Variants in CARNMT1 observed in about 807,000 individuals in gnomAD.
CARNMT1 encodes carnosine N-methyltransferase 1, also known as protein-L-histidine N-pros-methyltransferase CARNMT1.
CARNMT1 carries 28 observed loss-of-function variants against 49.6 expected under a neutral mutation model. The observed-to-expected ratio is 0.56, with a 90% CI of 0.42 to 0.77. The LOEUF (loss-of-function observed/expected upper bound fraction) is 0.77. Among genes scored for constraint, CARNMT1 ranks in the 30% least tolerant of loss-of-function variants. The pLI is 0.00. For synonymous variants in CARNMT1, 178 were observed against 175.0 expected (o/e 1.02, Z -0.13); for missense variants, 421 against 512.6 (o/e 0.82, Z 1.73).
At chr9:75,012,287 T>TC (rs1564102582) in intron 3 of CARNMT1, among the ~76,000 whole-genome samples, 3 of 148,190 alleles carry the variant, frequency 2.0e-5, no homozygotes, top group African/African-American at 7.3e-5. Context: ...GTTTTTGGTT[T>TC]TTTTTTTTTT....
intron 5 of CARNMT1, among the ~76,000 whole-genome samples, chr9:74,996,933 C>A (rs1489813470): frequency 6.6e-6 from 1 of 152,052 alleles, no homozygotes; most frequent in Non-Finnish European, 1.5e-5. Context: ...TAGTGTTAAC[C>A]ACCAATTCTG....
rs1833882097 is a variant in CARNMT1 at position 75,017,288 on chromosome 9, T to C, written c.391A>G (p.Ile131Val). The C allele has an allele frequency of 6.2e-7, 1 of 1,613,592 alleles. No individual in the cohort carries two copies. The highest frequency in any genetic ancestry group is 8.5e-7 in the Non-Finnish European group (1 of 1,179,654). The change falls in exon 2 of 8, where the codon ATA (isoleucine) becomes GTA (valine). Residue 131 changes from isoleucine (I) to valine (V), a missense_variant. Around this residue, in one of 2 missense-constraint regions of CARNMT1, gnomAD observed 235 missense variants for 344.8 expected, o/e 0.68. Coordinates refer to ENST00000376834, the MANE Select transcript of CARNMT1 (RefSeq NM_152420.3). Reference sequence around the variant, plus strand: ...TATTCTTTATTTTCAAACATATGTATGCAATCATTCACAATGGTCAGTAGT... The same window carrying C: ...TATTCTTTATTTTCAAACATATGTACGCAATCATTCACAATGGTCAGTAGT... ...EILLTIVNDCIHMFENKEYGE... is the reference protein window; with the variant it reads ...EILLTIVNDCVHMFENKEYGE...
At chr9:75,013,236 A>G (rs1469356462) in intron 3 of CARNMT1, among the ~76,000 whole-genome samples, 3 of 152,172 alleles carry the variant, frequency 2.0e-5, no homozygotes, top group African/African-American at 7.2e-5. Context: ...GTGCCAACTG[A>G]TATTTCTCAC....
Position 75,013,087 on chromosome 9 carries a change from A to G in CARNMT1, c.590+3181T>C, listed in dbSNP as rs78333630. ...GGCCCCACAATTTTTTGTCTTTGAT[A>G]TTAGCTCCAATTCTCATAAGTATAT... On this transcript the variant is annotated intron_variant, in intron 3 of 7. Transcript: ENST00000376834. Among the ~76,000 whole-genome samples the G allele has an allele frequency of 8.7e-3, 1,319 of 152,268 alleles. 20 individuals are homozygous for G. The highest frequency in any genetic ancestry group is 0.029 in the African/African-American group (1,206 of 41,536).
chr9:75,027,028 A>G (rs1239213536), intron 1 of CARNMT1: 46 of 1,256,412 alleles, frequency 3.7e-5, no homozygotes, highest in Non-Finnish European at 4.9e-5. Flanking sequence ...GCACAGCAGG[A>G]ACCCACCTAT....
chr9:74,992,800 T>C (rs1213035607), intron 6 of CARNMT1, among the ~76,000 whole-genome samples: 1 of 152,184 alleles, frequency 6.6e-6, no homozygotes, highest in Non-Finnish European at 1.5e-5. Context: ...TCCAATGTCA[T>C]TTGTTCCAGA....
chr9:75,016,442 AAC>A lies in CARNMT1; in HGVS notation c.427-13_427-12del, dbSNP rs1211235580. 1.2e-6 allele frequency: 2 copies of A among 1,612,378 alleles called. No individual in the cohort carries two copies. The highest frequency in any genetic ancestry group is 2.7e-5 in the African/African-American group (2 of 74,840). On this transcript the variant is annotated splice_polypyrimidine_tract_variant and intron_variant, in intron 2 of 7. Transcript: ENST00000376834. ...AATCTTTCCATTCCCCTGTTTAAAAAACAGACATCAATTAGCTTCTGAGAGAG... is the reference window on the plus strand; with the variant it reads ...AATCTTTCCATTCCCCTGTTTAAAAAAGACATCAATTAGCTTCTGAGAGAG...
Position 74,985,358 on chromosome 9 carries a change from A to T in CARNMT1, c.1025-348T>A, listed in dbSNP as rs117669239. Among the ~76,000 whole-genome samples, 274 of 152,348 alleles carry T rather than the reference A, an allele frequency of 1.8e-3. 2 individuals are homozygous for T. Among genetic ancestry groups the T allele is most frequent in the Non-Finnish European group, 2.9e-3 (198 of 68,024 alleles). On this transcript the variant is annotated intron_variant, in intron 6 of 7. Transcript: ENST00000376834. ...TTATAATTCCATAAGCAAATGCAAA[A>T]CTGCAGTTACCAACTGTATATCATA... is the stretch of plus-strand genomic sequence containing the variant.
intron 4 of CARNMT1, 131 bp downstream of exon 4, chr9:74,999,597 TAA>T (rs1257389220): frequency 1.4e-6 from 1 of 710,828 alleles, no homozygotes; most frequent in Non-Finnish European, 2.1e-6. Flanking sequence ...GATTTTAACA[TAA>T]GACACATTTG....
rs10569961 is a variant in CARNMT1 at position 75,005,827 on chromosome 9, AACACACACACACACACACACACAC to A, written c.591-5981_591-5958del. ...TAGAAAAGGCCTTCAGTGAAATTAA[AACACACACACACACACACACACAC>A]ACACACACACACACACACACACAAT... On this transcript the variant is annotated intron_variant, in intron 3 of 7. Coordinates refer to ENST00000376834, the MANE Select transcript of CARNMT1 (RefSeq NM_152420.3). Among the ~76,000 whole-genome samples the A allele has an allele frequency of 6.3e-3, 858 of 135,804 alleles. 6 individuals carry two copies. Among genetic ancestry groups the A allele is most frequent in the African/African-American group, 0.023 (821 of 36,436 alleles). The allele number at this position is 135,804 out of a possible 152,430, so 89.1% of individuals were successfully genotyped here. A position where few individuals can be genotyped will look rare whatever the true frequency, so the allele number is the denominator to read the frequency against.
At chr9:74,991,041 T>C (rs1171413440) in intron 6 of CARNMT1, 1 of 152,194 alleles carries the variant, frequency 6.6e-6, no homozygotes. Flanking sequence ...GAAACAGTTA[T>C]TAATTTTAAA....
intron 6 of CARNMT1, among the ~76,000 whole-genome samples, chr9:74,992,985 A>G (rs1319716298): frequency 6.6e-6 from 1 of 152,216 alleles, no homozygotes; most frequent in East Asian, 1.9e-4. Flanking sequence ...GAATTTACCA[A>G]TATAGATGGC....
chr9:75,006,633 A>C (rs1833518847), intron 3 of CARNMT1, among the ~76,000 whole-genome samples: 1 of 152,226 alleles, frequency 6.6e-6, no homozygotes, highest in Non-Finnish European at 1.5e-5. Context: ...TCAGGAAAGG[A>C]AACTGGGTAA....
chr9:74,996,442 C>T lies in CARNMT1; in HGVS notation c.1024+5G>A, dbSNP rs1459449289. 4.0e-6 allele frequency: 6 copies of T among 1,512,942 alleles called. No homozygotes were observed. The highest frequency in any genetic ancestry group is 5.4e-6 in the Non-Finnish European group (6 of 1,103,994). 93.7% of individuals were successfully genotyped at this position (1,512,942 alleles called of 1,614,324 possible). A position where few individuals can be genotyped will look rare whatever the true frequency, so the allele number is the denominator to read the frequency against. On this transcript the variant is annotated splice_donor_5th_base_variant and intron_variant, in intron 6 of 7. Coordinates refer to ENST00000376834, the MANE Select transcript of CARNMT1 (RefSeq NM_152420.3). ...CAAAATTTTAGTAAATACTAAAAAA[C>T]TTACCTAGATTTATCCAAATTCCAC... is the stretch of plus-strand genomic sequence containing the variant.
At chr9:75,020,591 T>C (rs770520006) in intron 1 of CARNMT1, among the ~76,000 whole-genome samples, 28 of 152,176 alleles carry the variant, frequency 1.8e-4, no homozygotes, top group Non-Finnish European at 3.4e-4. Flanking sequence ...AATTTCACTT[T>C]CATTTTCAAT....
rs79168707 is a variant in CARNMT1, at chr9:75,024,529, G to A, written c.230+3483C>T. 8.6e-3 allele frequency among the ~76,000 whole-genome samples: 1,308 copies of A among 152,220 alleles called. 20 individuals carry two copies. Among genetic ancestry groups the A allele is most frequent in the African/African-American group, 0.028 (1,165 of 41,550 alleles). On this transcript the variant is annotated intron_variant, in intron 1 of 7. Transcript: ENST00000376834. Reference sequence around the variant, plus strand: ...TTCTATGTGCTGAGGTGCTTCATTCGTAACAAGACTGGGTTATAAAACTAA... The same window carrying A: ...TTCTATGTGCTGAGGTGCTTCATTCATAACAAGACTGGGTTATAAAACTAA...
At chr9:75,016,221 G>C in intron 3 of CARNMT1, 47 bp downstream of exon 3, 1 of 1,371,146 alleles carries the variant, frequency 7.3e-7, no homozygotes, top group South Asian at 1.2e-5. Context: ...AGAAACTCAA[G>C]TGTTCATACA....
At chr9:75,021,839 G>A (rs1404064803) in intron 1 of CARNMT1, among the ~76,000 whole-genome samples, 3 of 152,102 alleles carry the variant, frequency 2.0e-5, no homozygotes, top group African/African-American at 7.2e-5. Context: ...TTGGGAGGCT[G>A]AGGTAGGAGA....
intron 1 of CARNMT1, among the ~76,000 whole-genome samples, chr9:75,026,158 A>G (rs1374891804): frequency 1.3e-5 from 2 of 152,166 alleles, no homozygotes; most frequent in African/African-American, 4.8e-5. Flanking sequence ...TTTTTTTTAA[A>G]AAATGAAATG....
Sources: allele counts gnomAD v4.1 joint callset (sites outside exome capture counted in the v4.1 genomes callset), GRCh38; gene constraint gnomAD v4.1.1; regional missense constraint gnomAD v4.1.1; transcripts MANE v1.5; gene names NCBI Gene and HGNC (gene_info 2026-07-23, HGNC 2026-07-21).